OSCP1: variants seen among roughly 807,000 people sequenced by gnomAD.
OSCP1 encodes the protein protein OSCP1.
A neutral mutation model predicts 45.1 loss-of-function variants in OSCP1; 35 were observed. That is an observed-to-expected ratio of 0.78 (90% CI 0.59 to 1.03). OSCP1 has a LOEUF of 1.03. Among genes scored for constraint, OSCP1 ranks in the 50% least tolerant of loss-of-function variants. OSCP1 has a pLI of 0.00. For synonymous variants in OSCP1, 179 were observed against 180.1 expected, an observed-to-expected ratio of 0.99 and a Z score of 0.05; for missense variants, 400 against 470.7, an observed-to-expected ratio of 0.85 and a Z score of 1.39.
At chr1:36,424,877 G>A (rs928068877) in intron 4 of OSCP1, among the ~76,000 whole-genome samples, 2 of 152,158 alleles carry the variant, frequency 1.3e-5, no homozygotes, top group Non-Finnish European at 2.9e-5. Context: ...ATATAATCAA[G>A]AATAAGTATC....
intron 8 of OSCP1, among the ~76,000 whole-genome samples, chr1:36,419,572 G>C (rs533524043): frequency 6.6e-6 from 1 of 152,276 alleles, no homozygotes; most frequent in South Asian, 2.1e-4. Context: ...ACTTGGTTTT[G>C]AGGAGGATCA....
chr1:36,431,674 A>G (rs1472826601), intron 4 of OSCP1, 128 bp downstream of exon 4: 2 of 713,432 alleles, frequency 2.8e-6, no homozygotes, highest in Non-Finnish European at 2.3e-6. Context: ...CTTTATCATT[A>G]GAGAGGCAAA....
chr1:36,445,386 A>G (rs1169291495), intron 1 of OSCP1, among the ~76,000 whole-genome samples: 1 of 152,256 alleles, frequency 6.6e-6, no homozygotes, highest in African/African-American at 2.4e-5. Flanking sequence ...TTTGTAATTA[A>G]TAGTTTCTTT....
intron 9 of OSCP1, 37 bp downstream of exon 9, chr1:36,418,954 G>T: frequency 6.9e-7 from 1 of 1,456,894 alleles, no homozygotes; most frequent in Non-Finnish European, 9.5e-7. Context: ...ATGAGGAAGC[G>T]AATACGATTG....
At chr1:36,423,270 G>C (rs949690262) in intron 5 of OSCP1, 93 bp downstream of exon 5, 1 of 1,025,002 alleles carries the variant, frequency 9.8e-7, no homozygotes, top group Non-Finnish European at 1.5e-6. Context: ...TGGGCAGACT[G>C]TGAGTGGCTT....
chr1:36,422,134 G>A lies in OSCP1; in HGVS notation c.819+16C>T. On this transcript the variant is annotated intron_variant, in intron 7 of 9. Coordinates refer to ENST00000235532, the MANE Select transcript of OSCP1 (RefSeq NM_145047.5). ...GAGAGAAGCTGTGAGGGTAGGCAAG[G>A]AAGGCAGAAGCTCACCTGGGTCCAT... The A allele has an allele frequency of 1.2e-6, 2 of 1,610,610 alleles. No individual in the cohort carries two copies. The highest frequency in any genetic ancestry group is 1.7e-6 in the Non-Finnish European group (2 of 1,176,764).
chr1:36,418,960 G>A (rs1211217896), intron 9 of OSCP1, 31 bp downstream of exon 9: 4 of 1,510,168 alleles, frequency 2.6e-6, no homozygotes, highest in South Asian at 1.2e-5. Flanking sequence ...AAGCGAATAC[G>A]ATTGGACCCT....
chr1:36,431,850 C>G lies in OSCP1; in HGVS notation c.468G>C (p.Gln156His). The G allele has an allele frequency of 6.2e-7, 1 of 1,613,520 alleles. No homozygotes were observed. The highest frequency in any genetic ancestry group is 8.5e-7 in the Non-Finnish European group (1 of 1,180,008). The change falls in exon 4 of 10, where the codon CAG becomes CAC. Residue 156 changes from glutamine to histidine, a missense_variant. By Grantham distance (24) the Gln-to-His change is conservative (BLOSUM62 0). Coordinates refer to ENST00000235532, the MANE Select transcript of OSCP1 (RefSeq NM_145047.5). ...AGATGAGGAGTGTCTGCCGGATCAGCTGGAACTCCCCTGCAGAGAGACCAC... is the reference window on the plus strand; with the variant it reads ...AGATGAGGAGTGTCTGCCGGATCAGGTGGAACTCCCCTGCAGAGAGACCAC... ...IYGGLSAGEFQLIRQTLLIFF... is the reference protein window; with the variant it reads ...IYGGLSAGEFHLIRQTLLIFF...
At chr1:36,421,961 G>GAT (rs1647642773) in intron 7 of OSCP1, 189 bp downstream of exon 7, 1 of 611,020 alleles carries the variant, frequency 1.6e-6, no homozygotes, top group African/African-American at 1.8e-5. Flanking sequence ...TAATTAGTGA[G>GAT]ATCACTGGAA....
At chr1:36,431,168 G>T (rs1648340650) in intron 4 of OSCP1, among the ~76,000 whole-genome samples, 1 of 152,180 alleles carries the variant, frequency 6.6e-6, no homozygotes, top group Non-Finnish European at 1.5e-5. Flanking sequence ...TTTCAGCAAG[G>T]TGGTGGAGAT....
At chr1:36,432,618 T>C (rs753147796) in intron 2 of OSCP1, 29 bp from the exon 3 acceptor site, 14 of 1,613,368 alleles carry the variant, frequency 8.7e-6, no homozygotes, top group Non-Finnish European at 1.2e-5. Context: ...GCAAAAGAAA[T>C]GGGATCATAT....
chr1:36,428,307 C>A, intron 4 of OSCP1: 1 of 1,609,810 alleles, frequency 6.2e-7, no homozygotes. Flanking sequence ...CATTTCTTCC[C>A]CTTTTTAAAA....
At chr1:36,433,298 G>A (rs1019057455) in intron 2 of OSCP1, among the ~76,000 whole-genome samples, 3 of 152,178 alleles carry the variant, frequency 2.0e-5, no homozygotes. Context: ...AATTGGCTGA[G>A]GGCAGAGGAA....
At chr1:36,420,713 A>G (rs1341474974) in intron 7 of OSCP1, 98 bp from the exon 8 acceptor site, 2 of 1,430,300 alleles carry the variant, frequency 1.4e-6, no homozygotes, top group African/African-American at 2.9e-5. Context: ...ATAAGGTAGA[A>G]CAATTGCTAT....
At chr1:36,433,063 A>C (rs1648480313) in intron 2 of OSCP1, among the ~76,000 whole-genome samples, 1 of 152,252 alleles carries the variant, frequency 6.6e-6, no homozygotes, top group Non-Finnish European at 1.5e-5. Flanking sequence ...TGAGAGCAAT[A>C]AATGAGGCAA....
intron 4 of OSCP1, chr1:36,428,509 A>G: frequency 6.4e-7 from 1 of 1,571,206 alleles, no homozygotes; most frequent in Non-Finnish European, 8.6e-7. Flanking sequence ...TATATGTTAC[A>G]TATGCTGTTT....
chr1:36,427,299 C>CTTTTTTTTTTTTTTTTTTTTTTTTTT (rs71053929), intron 4 of OSCP1, among the ~76,000 whole-genome samples: 2 of 96,324 alleles, frequency 2.1e-5, no homozygotes, highest in African/African-American at 9.6e-5. Flanking sequence ...GGCGCCTGGC[C>CTTTTTTTTTTTTTTTTTTTTTTTTTT]TTTTTTTTTT....
chr1:36,449,835 CAAAAAAAAAAAAAAAAA>C (rs67376533), intron 1 of OSCP1, among the ~76,000 whole-genome samples: 495 of 20,378 alleles, frequency 0.024, 27 homozygotes, highest in African/African-American at 0.099. Context: ...GACCCTGTCT[CAAAAAAAAAAAAAAAAA>C]AAAAAAAAAA....
intron 2 of OSCP1, among the ~76,000 whole-genome samples, chr1:36,435,783 C>T (rs1005629958): frequency 6.6e-6 from 1 of 152,006 alleles, no homozygotes; most frequent in East Asian, 1.9e-4. Context: ...CAGGCACTTG[C>T]CACCATGCCC....
Sources: gnomAD v4.1 joint callset for allele counts (sites outside exome capture counted in the v4.1 genomes callset) on GRCh38, gnomAD v4.1.1 for gene constraint, MANE v1.5 for transcripts, NCBI Gene and HGNC (gene_info 2026-07-23, HGNC 2026-07-21) for gene names.